The following SYNE1 variants were observed in gnomAD, a reference collection of about 807,000 sequenced individuals.
SYNE1 encodes nesprin-1.
Under a neutral mutation model 1,111.0 loss-of-function variants are expected in SYNE1, and 616 were observed. The ratio of observed to expected loss-of-function variants is 0.55; its 90% CI spans 0.52 to 0.59. The LOEUF (loss-of-function observed/expected upper bound fraction) is 0.59. Ranked by LOEUF, SYNE1 falls within the 20% of genes least tolerant of loss-of-function variation. The pLI is 0.00. For missense variants in SYNE1, 10,006 were observed against 10,417.0 expected, an observed-to-expected ratio of 0.96 and a Z score of 1.72; for synonymous variants, 3,855 against 3,825.8, an observed-to-expected ratio of 1.01 and a Z score of -0.28.
At position 152,224,676 on chromosome 6, in the gene SYNE1, G is replaced by C; in HGVS notation, c.21352-12C>G. On this transcript the variant is annotated splice_polypyrimidine_tract_variant and intron_variant, in intron 116 of 145. Transcript: ENST00000367255. ...TTTAATTGTCCAACCTTTTGAAAAA[G>C]ACAAATATGGCTTATAATTTCATAA... is the stretch of plus-strand genomic sequence containing the variant. 1 of 1,611,936 alleles carries C rather than the reference G, an allele frequency of 6.2e-7. No homozygotes were observed. Among genetic ancestry groups the C allele is most frequent in the Non-Finnish European group, 8.5e-7 (1 of 1,178,528 alleles).
chr6:152,526,092 A>G lies in SYNE1; in HGVS notation c.213T>C (p.Ser71=). 6.2e-7 allele frequency: 1 copy of G among 1,614,082 alleles called. No individual in the cohort carries two copies. Among genetic ancestry groups the G allele is most frequent in the Non-Finnish European group, 8.5e-7 (1 of 1,179,956 alleles). ...AAAAAATTCTTACCAGTTTCTGCCC[A>G]GACAGGACCTCCAGAAGGGCAAGCA... ...VKLLALLEVL[S]GQKLPCEQGR... The change falls in exon 5 of 146, where the codon TCT becomes TCC. Residue 71 remains serine, a synonymous_variant. Coordinates refer to ENST00000367255, the MANE Select transcript of SYNE1 (RefSeq NM_182961.4).
chr6:152,217,854 C>G (rs926898545), intron 121 of SYNE1, among the ~76,000 whole-genome samples: 14 of 152,080 alleles, frequency 9.2e-5, no homozygotes, highest in Admixed American at 7.2e-4. Flanking sequence ...CTACTGTTTG[C>G]CAGAGAAAGT....
Position 152,463,491 on chromosome 6 carries a change from C to T in SYNE1, c.1959G>A (p.Trp653Ter). Residue 653 changes from tryptophan (W) to a stop codon, truncating the protein, a stop_gained, in exon 19 of 146, where the codon TGG becomes TGA. Transcript: ENST00000367255. LOFTEE classifies it high-confidence loss of function. ...CGTTCATGGCAGTATGCTGCTGAATCCAATGAGGTAAATTTCGAAAAAAAT... is the reference window on the plus strand; with the variant it reads ...CGTTCATGGCAGTATGCTGCTGAATTCAATGAGGTAAATTTCGAAAAAAAT... ...KKDFFRNLPHWIQQHTAMNDA... is the reference protein window; with the variant it reads ...KKDFFRNLPH The T allele has an allele frequency of 1.2e-6, 2 of 1,613,402 alleles. No individual in the cohort carries two copies. Among genetic ancestry groups the T allele is most frequent in the Non-Finnish European group, 1.7e-6 (2 of 1,179,628 alleles).
At chr6:152,235,751 T>C (rs549966164) in intron 110 of SYNE1, among the ~76,000 whole-genome samples, 1 of 152,256 alleles carries the variant, frequency 6.6e-6, no homozygotes, top group East Asian at 1.9e-4. Context: ...TATTTATTTA[T>C]TTATTTTTGA....
intron 129 of SYNE1, among the ~76,000 whole-genome samples, chr6:152,179,907 T>A (rs1370404029): frequency 4.6e-5 from 7 of 151,718 alleles, no homozygotes; most frequent in Non-Finnish European, 1.0e-4. Flanking sequence ...ATGGTCTTGA[T>A]CTCCTGACCT....
At chr6:152,346,911 G>T in intron 73 of SYNE1, 148 bp downstream of exon 73, 1 of 896,578 alleles carries the variant, frequency 1.1e-6, no homozygotes, top group African/African-American at 1.7e-5. Context: ...CATAGCAACT[G>T]TGAAATTTAT....
Position 152,334,070 on chromosome 6 carries a change from G to T in SYNE1, c.12732C>A (p.Asp4244Glu). ...EDLQRTRDYH[D>E]CMNVVEVFLE... ...GGAACACTTCAACAACATTCATACA[G>T]TCATGGTAATCTCTTGTTCTCTGAA... Residue 4244 changes from aspartate to glutamate, a missense_variant, in exon 77 of 146, where the codon GAC (aspartate) becomes GAA (glutamate). Around this residue, in one of 7 missense-constraint regions of SYNE1, gnomAD observed 4,955 missense variants for 5,017.2 expected, o/e 0.99. Coordinates refer to ENST00000367255, the MANE Select transcript of SYNE1 (RefSeq NM_182961.4). 6.2e-7 allele frequency: 1 copy of T among 1,614,160 alleles called. No homozygotes were observed. The highest frequency in any genetic ancestry group is 1.1e-5 in the South Asian group (1 of 91,072).
intron 145 of SYNE1, chr6:152,125,817 AAAGATC>A (rs748594783): frequency 4.1e-4 from 63 of 153,080 alleles, no homozygotes; most frequent in Non-Finnish European, 7.6e-4. Flanking sequence ...CAATTAGGTC[AAAGATC>A]AAGATCAAAA....
At position 152,326,433 on chromosome 6, in the gene SYNE1, G is replaced by C. The variant is rs753961808; in HGVS notation, c.15156C>G (p.Leu5052=). 3 of 1,614,168 alleles carry C rather than the reference G, an allele frequency of 1.9e-6. No homozygotes were observed. Among genetic ancestry groups the C allele is most frequent in the South Asian group, 1.1e-5 (1 of 91,088 alleles). Residue 5052 remains leucine, a synonymous_variant, in exon 79 of 146, where the codon CTC becomes CTG. Coordinates refer to ENST00000367255, the MANE Select transcript of SYNE1 (RefSeq NM_182961.4). The stretch of plus-strand genomic sequence containing the variant: ...GGTCCAGGGTGGCTACCAGGCTGTG[G>C]AGCTCCTCCAGGTTACTATGGAACT... ...EDQFHSNLEE[L]HSLVATLDPL...
chr6:152,427,000 C>A (rs1277646610), intron 38 of SYNE1, among the ~76,000 whole-genome samples: 1 of 152,158 alleles, frequency 6.6e-6, no homozygotes. Context: ...TACAATAAAT[C>A]TTTTTTGAGA....
At chr6:152,629,389 A>G (rs1051859818) in intron 2 of SYNE1, among the ~76,000 whole-genome samples, 11 of 151,550 alleles carry the variant, frequency 7.3e-5, no homozygotes, top group Admixed American at 3.3e-4. Flanking sequence ...GTTTTTTAGT[A>G]GAGACGGGGT....
At chr6:152,127,626 A>G (rs899632482) in intron 145 of SYNE1, 2 of 152,168 alleles carry the variant, frequency 1.3e-5, no homozygotes, top group Non-Finnish European at 2.9e-5. Flanking sequence ...CCTACCTCAA[A>G]TAGCAACAGA....
chr6:152,621,849 T>C (rs1011569491), intron 3 of SYNE1, among the ~76,000 whole-genome samples: 12 of 152,130 alleles, frequency 7.9e-5, no homozygotes, highest in African/African-American at 2.2e-4. Flanking sequence ...AACAAACACA[T>C]CACTCATTCA....
rs1310758949 is a variant in SYNE1 at position 152,416,574 on chromosome 6, G to C, written c.5863C>G (p.Leu1955Val). The C allele has an allele frequency of 4.3e-6, 7 of 1,614,094 alleles. No homozygotes were observed. Among genetic ancestry groups the C allele is most frequent in the Non-Finnish European group, 5.9e-6 (7 of 1,180,014 alleles). ...TGGATCCTCTCTACCTCTCCACAGA[G>C]CTGATCAGCCGTGGCTCTGCAGGAA... ...RTSCRATADQ[L>V]CGEVERIQNL... Residue 1955 changes from leucine (L) to valine (V), a missense_variant, in exon 41 of 146, where the codon CTC becomes GTC. Leu to Val is a conservative substitution (Grantham distance 32). Around this residue, in one of 7 missense-constraint regions of SYNE1, gnomAD observed 4,955 missense variants for 5,017.2 expected, o/e 0.99. Coordinates refer to ENST00000367255, the MANE Select transcript of SYNE1 (RefSeq NM_182961.4).
In SYNE1 at chr6:152,376,534, G is replaced by A; in HGVS notation, c.9171C>T (p.Gly3057=). ...YNCLCLQASK[G]CQNKEQILQQ... ...GTAAAATCTGTTCTTTATTCTGGCA[G>A]CCCTTGGATGCTTGCAAACAAAGAC... Residue 3057 remains glycine (G), a synonymous_variant, in exon 58 of 146, where the codon GGC becomes GGT. Transcript: ENST00000367255. The A allele has an allele frequency of 6.2e-7, 1 of 1,613,998 alleles. No individual in the cohort carries two copies. Among genetic ancestry groups the A allele is most frequent in the Admixed American group, 1.7e-5 (1 of 60,024 alleles).
chr6:152,455,289 T>C, intron 24 of SYNE1, 137 bp downstream of exon 24: 1 of 875,240 alleles, frequency 1.1e-6, no homozygotes, highest in Non-Finnish European at 1.7e-6. Flanking sequence ...TTGGGTCTCA[T>C]ACCTAAAAAG....
rs748767734 is a variant in SYNE1, at chr6:152,244,564, C to T, written c.19665G>A (p.Pro6555=). The T allele has an allele frequency of 1.5e-5, 24 of 1,613,944 alleles. No homozygotes were observed. Among genetic ancestry groups the T allele is most frequent in the South Asian group, 3.3e-5 (3 of 91,092 alleles). The part of the protein sequence containing the change: ...RRGDKLQVEQ[P]SMQELSKLQD... ...GGAGCTTGGAGAGTTCTTGCATGGA[C>T]GGCTGCTCGACCTGTAGCTTGTCAC... Residue 6555 remains proline (P), a synonymous_variant, in exon 106 of 146, where the codon CCG becomes CCA. Transcript: ENST00000367255.
At chr6:152,327,019 G>A (rs973878312) in intron 78 of SYNE1, among the ~76,000 whole-genome samples, 3 of 152,154 alleles carry the variant, frequency 2.0e-5, no homozygotes, top group Non-Finnish European at 2.9e-5. Flanking sequence ...ACGGCCAGGC[G>A]TGCTGGCTCA....
chr6:152,505,333 C>A lies in SYNE1; in HGVS notation c.646G>T (p.Val216Phe), dbSNP rs748212141. 6.2e-6 allele frequency: 10 copies of A among 1,613,984 alleles called. No homozygotes were observed. In the South Asian group the frequency reaches 9.9e-5, roughly 16 times the overall value. ...AATTCCGGTCGAATGGCATGAATAA[C>A]TGAATGAAAGGCAACCCCGCTTCTC... The part of the protein sequence containing the change: ...SWRSGVAFHS[V>F]IHAIRPELVD... The change falls in exon 9 of 146, where the codon GTT becomes TTT. Residue 216 changes from valine to phenylalanine, a missense_variant. Coordinates refer to ENST00000367255, the MANE Select transcript of SYNE1 (RefSeq NM_182961.4).
Sources: gnomAD v4.1 joint callset for allele counts (sites outside exome capture counted in the v4.1 genomes callset) on GRCh38, gnomAD v4.1.1 for gene constraint, gnomAD v4.1.1 regional missense constraint, MANE v1.5 for transcripts, NCBI Gene and HGNC (gene_info 2026-07-23, HGNC 2026-07-21) for gene names.